The following EFL1 variants were observed in gnomAD, a reference collection of about 807,000 sequenced individuals.
EFL1 encodes the protein elongation factor like GTPase 1.
EFL1 carries 76 observed loss-of-function variants against 126.7 expected under a neutral mutation model. That is an observed-to-expected ratio of 0.60 (90% confidence interval 0.50 to 0.73). The LOEUF is 0.73. Among genes scored for constraint, EFL1 ranks in the 30% least tolerant of loss-of-function variants. The pLI is 0.00. For synonymous variants in EFL1, 410 were observed against 448.4 expected, an observed-to-expected ratio of 0.91 and a Z score of 1.08; for missense variants, 1,128 against 1,343.2, an observed-to-expected ratio of 0.84 and a Z score of 2.50.
chr15:82,133,959 G>A (rs182817678), intron 19 of EFL1, among the ~76,000 whole-genome samples: 27 of 152,332 alleles, frequency 1.8e-4, no homozygotes, highest in South Asian at 4.1e-4. Context: ...CAGAGTGAAC[G>A]TGGTGTGAGG....
chr15:82,184,329 C>CAA (rs2074281732), intron 15 of EFL1, among the ~76,000 whole-genome samples: 1 of 152,164 alleles, frequency 6.6e-6, no homozygotes, highest in Non-Finnish European at 1.5e-5. Context: ...CGGTAGCACA[C>CAA]ATTTACAGCA....
At chr15:82,181,844 T>C (rs978649910) in intron 15 of EFL1, among the ~76,000 whole-genome samples, 7 of 152,210 alleles carry the variant, frequency 4.6e-5, no homozygotes, top group African/African-American at 1.7e-4. Context: ...CTTTAAATTC[T>C]TGAAAGCTGG....
chr15:82,189,868 C>A (rs928692504), intron 15 of EFL1, among the ~76,000 whole-genome samples: 1 of 152,144 alleles, frequency 6.6e-6, no homozygotes, highest in East Asian at 1.9e-4. Context: ...GTAATCCCAG[C>A]ACTTTGGTAG....
chr15:82,190,333 C>T (rs2074346330), intron 15 of EFL1, among the ~76,000 whole-genome samples: 1 of 152,178 alleles, frequency 6.6e-6, no homozygotes, highest in East Asian at 1.9e-4. Context: ...GCAATGCCCT[C>T]TTAATTTTAC....
intron 3 of EFL1, among the ~76,000 whole-genome samples, chr15:82,254,428 A>T (rs774094689): frequency 6.6e-6 from 1 of 152,084 alleles, no homozygotes; most frequent in Non-Finnish European, 1.5e-5. Context: ...TAACAACACA[A>T]TGAACCCCTG....
At chr15:82,181,588 G>A (rs969153770) in intron 15 of EFL1, among the ~76,000 whole-genome samples, 1 of 151,710 alleles carries the variant, frequency 6.6e-6, no homozygotes, top group Non-Finnish European at 1.5e-5. Context: ...ATATTTTCCT[G>A]ATGAAAAGCA....
intron 4 of EFL1, among the ~76,000 whole-genome samples, chr15:82,249,802 G>A (rs1308877565): frequency 6.6e-6 from 1 of 152,050 alleles, no homozygotes; most frequent in African/African-American, 2.4e-5. Flanking sequence ...AGAAAAATTA[G>A]GTTCCTGGAA....
intron 12 of EFL1, 56 bp downstream of exon 12, chr15:82,225,109 T>A (rs2141308551): frequency 1.4e-6 from 2 of 1,407,748 alleles, no homozygotes; most frequent in East Asian, 2.3e-5. Context: ...CCCAACTGCA[T>A]CCCACCAAAC....
chr15:82,181,023 T>C (rs1381519491), intron 15 of EFL1, among the ~76,000 whole-genome samples: 2 of 152,158 alleles, frequency 1.3e-5, no homozygotes, highest in African/African-American at 2.4e-5. Context: ...CCACCGCTCC[T>C]GGCCTAAATT....
chr15:82,204,607 T>C (rs1277743427), intron 15 of EFL1, among the ~76,000 whole-genome samples: 1 of 152,206 alleles, frequency 6.6e-6, no homozygotes, highest in African/African-American at 2.4e-5. Context: ...CATGAAACCA[T>C]ATAAATGTCA....
intron 15 of EFL1, among the ~76,000 whole-genome samples, chr15:82,167,390 C>T (rs1225746137): frequency 6.6e-6 from 1 of 152,130 alleles, no homozygotes; most frequent in Non-Finnish European, 1.5e-5. Context: ...GTATACTACA[C>T]CCTTCAAATT....
chr15:82,212,719 C>G (rs1183424905), intron 15 of EFL1, among the ~76,000 whole-genome samples: 1 of 152,182 alleles, frequency 6.6e-6, no homozygotes, highest in Non-Finnish European at 1.5e-5. Flanking sequence ...ACTGGCTATT[C>G]AAAAGCCATT....
intron 7 of EFL1, among the ~76,000 whole-genome samples, chr15:82,234,604 G>C (rs1318817455): frequency 6.6e-6 from 1 of 152,054 alleles, no homozygotes; most frequent in East Asian, 1.9e-4. Flanking sequence ...AGGGAAATTG[G>C]AGAACAAGTT....
intron 4 of EFL1, among the ~76,000 whole-genome samples, chr15:82,250,913 A>G (rs1412348874): frequency 6.6e-6 from 1 of 152,162 alleles, no homozygotes; most frequent in Non-Finnish European, 1.5e-5. Flanking sequence ...GGTCTATGCA[A>G]TCAAGAAAGC....
At chr15:82,193,656 T>G (rs1445441911) in intron 15 of EFL1, among the ~76,000 whole-genome samples, 2 of 152,274 alleles carry the variant, frequency 1.3e-5, no homozygotes, top group Non-Finnish European at 2.9e-5. Context: ...AGGTGTATTT[T>G]GCAACTTAAA....
At chr15:82,240,071 GAATA>G (rs1349612682) in intron 6 of EFL1, among the ~76,000 whole-genome samples, 5 of 152,134 alleles carry the variant, frequency 3.3e-5, no homozygotes, top group African/African-American at 9.7e-5. Flanking sequence ...AATATTTGCT[GAATA>G]AATAAATGAA....
chr15:82,149,300 T>C (rs568927116), intron 18 of EFL1, among the ~76,000 whole-genome samples: 2 of 152,118 alleles, frequency 1.3e-5, no homozygotes, highest in African/African-American at 2.4e-5. Flanking sequence ...CAAATAAATA[T>C]AGGAGTTCAT....
At chr15:82,213,353 C>T (rs773059079) in intron 15 of EFL1, among the ~76,000 whole-genome samples, 1 of 152,152 alleles carries the variant, frequency 6.6e-6, no homozygotes, top group Non-Finnish European at 1.5e-5. Flanking sequence ...AAAATTTTAG[C>T]TTATAGTAGG....
intron 16 of EFL1, among the ~76,000 whole-genome samples, chr15:82,158,781 A>G (rs72749540): frequency 0.19 from 29,621 of 152,246 alleles, 3,135 homozygotes; most frequent in South Asian, 0.4. Context: ...TTTTTGAAAT[A>G]AAGTTCTAAT....
Sources: gnomAD v4.1 joint callset for allele counts (sites outside exome capture counted in the v4.1 genomes callset) on GRCh38, gnomAD v4.1.1 for gene constraint, MANE v1.5 for transcripts, NCBI Gene and HGNC (gene_info 2026-07-23, HGNC 2026-07-21) for gene names.